DACH1: variants seen among roughly 807,000 people sequenced by gnomAD.
DACH1 encodes dachshund family transcription factor 1, also known as dachshund homolog 1.
Under a neutral mutation model 54.2 loss-of-function variants are expected in DACH1, and 12 were observed. That is an observed-to-expected ratio of 0.22 (90% CI 0.14 to 0.36). The LOEUF (loss-of-function observed/expected upper bound fraction) is 0.36, where lower values mean the gene tolerates loss of function less well. Among genes scored for constraint, DACH1 ranks in the 10% least tolerant of loss-of-function variants. The pLI, the probability that DACH1 is intolerant of heterozygous loss-of-function variation, is 1.00. For missense variants in DACH1, 805 were observed against 929.8 expected, an observed-to-expected ratio of 0.87 and a Z score of 1.75; for synonymous variants, 386 against 366.2, an observed-to-expected ratio of 1.05 and a Z score of -0.62.
At chr13:71,572,441 T>A (rs894695610) in intron 4 of DACH1, among the ~76,000 whole-genome samples, 1 of 152,126 alleles carries the variant, frequency 6.6e-6, no homozygotes, top group Non-Finnish European at 1.5e-5. Context: ...AGATATTTAC[T>A]AGAATCAGGA....
At chr13:71,771,359 C>A (rs1418147367) in intron 1 of DACH1, among the ~76,000 whole-genome samples, 2 of 144,352 alleles carry the variant, frequency 1.4e-5, no homozygotes, top group African/African-American at 5.0e-5. Flanking sequence ...ATAAATAAAT[C>A]TTTGCCAGAA....
chr13:71,692,861 T>G (rs936224384), intron 1 of DACH1, among the ~76,000 whole-genome samples: 1 of 152,082 alleles, frequency 6.6e-6, no homozygotes, highest in Non-Finnish European at 1.5e-5. Flanking sequence ...GATGCCTTAT[T>G]TAAGAAGAAT....
rs9599851 is a variant in DACH1 at position 71,514,398 on chromosome 13, C to T, written c.1571-25250G>A. 9.9e-3 allele frequency among the ~76,000 whole-genome samples: 1,508 copies of T among 151,784 alleles called. 12 individuals are homozygous for T. The highest frequency in any genetic ancestry group is 0.025 in the Middle Eastern group (7 of 284). ...TAAGAAACCCTCAGAACTTTATTTA[C>T]GGTTAGTAAGGATTTATATAAAAAA... On this transcript the variant is annotated intron_variant, in intron 6 of 10. Coordinates refer to ENST00000613252, the MANE Select transcript of DACH1 (RefSeq NM_080759.6).
intron 1 of DACH1, among the ~76,000 whole-genome samples, chr13:71,755,706 C>A (rs1245689962): frequency 1.3e-5 from 2 of 152,146 alleles, no homozygotes; most frequent in Non-Finnish European, 2.9e-5. Context: ...ATACTACTTT[C>A]CCCAAATTAC....
intron 6 of DACH1, among the ~76,000 whole-genome samples, chr13:71,537,022 A>G (rs541943733): frequency 7.2e-5 from 11 of 152,192 alleles, no homozygotes; most frequent in African/African-American, 1.4e-4. Flanking sequence ...AAAATCCTCA[A>G]AAGATACTCA....
chr13:71,651,786 T>C (rs1240311958), intron 2 of DACH1, among the ~76,000 whole-genome samples: 4 of 152,208 alleles, frequency 2.6e-5, no homozygotes, highest in African/African-American at 9.7e-5. Flanking sequence ...GAATATATTA[T>C]GAAACTATTT....
intron 6 of DACH1, among the ~76,000 whole-genome samples, chr13:71,518,554 G>T (rs1267664074): frequency 6.6e-6 from 1 of 151,726 alleles, no homozygotes; most frequent in Admixed American, 6.6e-5. Context: ...ATTCCATTAG[G>T]TATGAGATGA....
Position 71,681,726 on chromosome 13 carries a change from G to GAT in DACH1, c.964+67_964+68dup, listed in dbSNP as rs1322031016. 18 of 1,075,246 alleles carry GAT rather than the reference G, an allele frequency of 1.7e-5. No homozygotes were observed. In the East Asian group the frequency reaches 2.6e-4, roughly 16 times the overall value. The allele number at this position is 1,075,246 out of a possible 1,614,324, so 66.6% of individuals were successfully genotyped here. ...GTGTGTAAATATCGATGTCACCACA[G>GAT]ATATATATAAAAGCTACGACATTGG... On this transcript the variant is annotated intron_variant, in intron 2 of 10. Coordinates refer to ENST00000613252, the MANE Select transcript of DACH1 (RefSeq NM_080759.6).
intron 1 of DACH1, among the ~76,000 whole-genome samples, chr13:71,692,743 G>A (rs1302433691): frequency 7.3e-5 from 11 of 151,614 alleles, no homozygotes; most frequent in South Asian, 4.2e-4. Flanking sequence ...GGCTGGTCTC[G>A]AACTCCTGAC....
chr13:71,811,773 TA>T (rs1223324535), intron 1 of DACH1, among the ~76,000 whole-genome samples: 9 of 152,192 alleles, frequency 5.9e-5, no homozygotes, highest in African/African-American at 1.9e-4. Flanking sequence ...CCTACTTCTG[TA>T]AAGTGGGGTT....
At chr13:71,865,852 A>T in intron 1 of DACH1, 70 bp downstream of exon 1, 2 of 1,393,136 alleles carry the variant, frequency 1.4e-6, no homozygotes, top group Non-Finnish European at 1.9e-6. Context: ...GCGCCGGGAA[A>T]GGAGCGAGGG....
chr13:71,562,242 T>C (rs1884630576), intron 4 of DACH1, among the ~76,000 whole-genome samples: 1 of 152,130 alleles, frequency 6.6e-6, no homozygotes, highest in Non-Finnish European at 1.5e-5. Context: ...CAATTAAGTG[T>C]TTTATTTTAT....
intron 1 of DACH1, among the ~76,000 whole-genome samples, chr13:71,820,181 G>A (rs574337848): frequency 2.0e-4 from 30 of 150,690 alleles, no homozygotes; most frequent in African/African-American, 6.6e-4. Context: ...CAGTTTCTAT[G>A]GAAGAAAGAG....
intron 7 of DACH1, among the ~76,000 whole-genome samples, chr13:71,485,224 A>G (rs753756080): frequency 6.6e-6 from 1 of 151,932 alleles, no homozygotes; most frequent in Non-Finnish European, 1.5e-5. Context: ...TGAAAGAGGA[A>G]GCCATAATGA....
chr13:71,723,671 A>T (rs1883337525), intron 1 of DACH1, among the ~76,000 whole-genome samples: 1 of 151,768 alleles, frequency 6.6e-6, no homozygotes, highest in African/African-American at 2.4e-5. Context: ...ATGATAAATT[A>T]TTGTTTTGCT....
At chr13:71,691,513 C>G (rs558385115) in intron 1 of DACH1, among the ~76,000 whole-genome samples, 80 of 151,590 alleles carry the variant, frequency 5.3e-4, no homozygotes, top group African/African-American at 1.8e-3. Context: ...GTAATAGAGT[C>G]AGGTTGTGAA....
intron 6 of DACH1, among the ~76,000 whole-genome samples, chr13:71,539,273 C>T (rs2138325990): frequency 6.6e-6 from 1 of 152,132 alleles, no homozygotes; most frequent in South Asian, 2.1e-4. Flanking sequence ...TAGTGATATT[C>T]ATTGATGGGT....
In DACH1 at chr13:71,747,069, T is replaced by C. The variant is rs757925212; in HGVS notation, c.849-65159A>G. Among the ~76,000 whole-genome samples, 4 of 152,136 alleles carry C rather than the reference T, an allele frequency of 2.6e-5. No homozygotes were observed. In the South Asian group the frequency reaches 6.2e-4, roughly 24 times the overall value. Reference sequence around the variant, plus strand: ...TATCTATCAACTATTTTTGCATTTATGTATTTAAATATTGTGTTTGTATAT... The same window carrying C: ...TATCTATCAACTATTTTTGCATTTACGTATTTAAATATTGTGTTTGTATAT... On this transcript the variant is annotated intron_variant, in intron 1 of 10. Coordinates refer to ENST00000613252, the MANE Select transcript of DACH1 (RefSeq NM_080759.6).
At chr13:71,541,406 T>C (rs1035533583) in intron 6 of DACH1, among the ~76,000 whole-genome samples, 1 of 152,124 alleles carries the variant, frequency 6.6e-6, no homozygotes, top group Non-Finnish European at 1.5e-5. Flanking sequence ...CAAACTGGCA[T>C]AGTTTGCCTT....
Sources: gnomAD v4.1 joint callset for allele counts (sites outside exome capture counted in the v4.1 genomes callset) on GRCh38, gnomAD v4.1.1 for gene constraint, MANE v1.5 for transcripts, NCBI Gene and HGNC (gene_info 2026-07-23, HGNC 2026-07-21) for gene names.